The following P3H4 variants were observed in gnomAD, a reference collection of about 807,000 sequenced individuals.
P3H4 encodes prolyl 3-hydroxylase family member 4 (inactive), also known as endoplasmic reticulum protein SC65.
In P3H4, 47 loss-of-function variants were observed where a neutral mutation model predicts 52.9. The ratio of observed to expected loss-of-function variants is 0.89; its 90% CI spans 0.70 to 1.13. The LOEUF is 1.13. Among genes scored for constraint, P3H4 ranks in the 50% most tolerant of loss-of-function variants. P3H4 has a pLI of 0.00. For synonymous variants in P3H4, 256 were observed against 267.9 expected (o/e 0.96, Z 0.44); for missense variants, 585 against 611.0 (o/e 0.96, Z 0.45).
chr17:41,807,191 T>C (rs782181436), intron 5 of P3H4: 8 of 405,814 alleles, frequency 2.0e-5, no homozygotes, highest in South Asian at 8.3e-5. Context: ...CTCCATTGGT[T>C]ACCTAGGGTG....
At position 41,803,387 on chromosome 17, in the gene P3H4, G is replaced by A; in HGVS notation, c.1191C>T (p.Ala397=). 6.2e-7 allele frequency: 1 copy of A among 1,613,654 alleles called. No individual in the cohort carries two copies. The highest frequency in any genetic ancestry group is 8.5e-7 in the Non-Finnish European group (1 of 1,179,806). Residue 397 remains alanine (A), a synonymous_variant, in exon 7 of 8, where the codon GCC becomes GCT. Transcript: ENST00000393928. ...CCCCCTCAAACTCGGCGTCAGATAG[G>A]GCATCCTCAGGCTCCAGGGGCGGTT... ...ETEPPLEPED[A]LSDAEFEGEG... is the part of the protein sequence containing the mutation.
chr17:41,803,659 C>T (rs1422172787), intron 6 of P3H4, among the ~76,000 whole-genome samples: 1 of 152,120 alleles, frequency 6.6e-6, no homozygotes, highest in African/African-American at 2.4e-5. Context: ...TCAGCATAAA[C>T]ATCGCCCCTG....
intron 3 of P3H4, 54 bp from the exon 4 acceptor site, chr17:41,809,888 C>G (rs2047711471): frequency 2.5e-6 from 4 of 1,580,452 alleles, no homozygotes; most frequent in African/African-American, 1.3e-5. Context: ...CATCTCCGTC[C>G]CCCCAGTGGA....
At chr17:41,808,228 T>C (rs538947917) in intron 4 of P3H4, among the ~76,000 whole-genome samples, 95 of 152,256 alleles carry the variant, frequency 6.2e-4, no homozygotes, top group African/African-American at 2.2e-3. Context: ...CTTTTTATTG[T>C]TTTTGAAACA....
chr17:41,804,505 G>A (rs1446576329), intron 6 of P3H4, among the ~76,000 whole-genome samples: 1 of 152,076 alleles, frequency 6.6e-6, no homozygotes, highest in Admixed American at 6.5e-5. Context: ...GCACACGCCT[G>A]TAATCCCAGC....
At position 41,811,405 on chromosome 17, in the gene P3H4, C is replaced by T; in HGVS notation, c.462+49G>A. 6.2e-7 allele frequency: 1 copy of T among 1,607,926 alleles called. No homozygotes were observed. The highest frequency in any genetic ancestry group is 8.5e-7 in the Non-Finnish European group (1 of 1,176,704). Reference sequence around the variant, plus strand: ...GCTCCTTCGACCGATCTGTGGGGAGCCACGACGCCCAGCCCGAGACAGGTC... The same window carrying T: ...GCTCCTTCGACCGATCTGTGGGGAGTCACGACGCCCAGCCCGAGACAGGTC... On this transcript the variant is annotated intron_variant, in intron 1 of 7. Coordinates refer to ENST00000393928, the MANE Select transcript of P3H4 (RefSeq NM_006455.3). The surrounding 1 kb of genome is among the most constrained non-coding windows in gnomAD (Gnocchi z 4.8).
At chr17:41,803,549 C>T (rs977945002) in intron 6 of P3H4, 118 bp from the exon 7 acceptor site, 10 of 875,322 alleles carry the variant, frequency 1.1e-5, no homozygotes, top group Middle Eastern at 2.5e-4. Context: ...AAGCCCCTCC[C>T]CCTCCCCAGT....
chr17:41,806,699 C>T (rs2304494), intron 6 of P3H4, 97 bp downstream of exon 6: 83,729 of 995,842 alleles, frequency 0.084, 4,130 homozygotes, highest in Non-Finnish European at 0.09. Flanking sequence ...AGCTGACCAC[C>T]AGGGGCTGGG....
chr17:41,809,066 T>C lies in P3H4; in HGVS notation c.916+640A>G, dbSNP rs2047702090. Among the ~76,000 whole-genome samples, 3 of 152,266 alleles carry C rather than the reference T, an allele frequency of 2.0e-5. No individual in the cohort carries two copies. The South Asian group carries it at 6.2e-4, about 32-fold the overall frequency. ...TCAGTTTCCCCATCTGAAAAATCGG[T>C]CCAGTAATGCCAGCTGCATGGTGTT... On this transcript the variant is annotated intron_variant, in intron 4 of 7. Coordinates refer to ENST00000393928, the MANE Select transcript of P3H4 (RefSeq NM_006455.3).
chr17:41,808,240 G>C (rs572576965), intron 4 of P3H4, among the ~76,000 whole-genome samples: 14 of 152,160 alleles, frequency 9.2e-5, no homozygotes, highest in African/African-American at 3.4e-4. Context: ...TTTGAAACAG[G>C]GTCTCACTCT....
At position 41,806,843 on chromosome 17, in the gene P3H4, G is replaced by A. The variant is rs186874945; in HGVS notation, c.1099C>T (p.Arg367Trp). The A allele has an allele frequency of 5.6e-6, 9 of 1,613,886 alleles. No individual in the cohort carries two copies. Among genetic ancestry groups the A allele is most frequent in the Admixed American group, 5.0e-5 (3 of 60,008 alleles). Residue 367 changes from arginine to tryptophan, a missense_variant, in exon 6 of 8, where the codon CGG (arginine) becomes TGG (tryptophan). Physicochemically the swap from Arg to Trp is moderately radical, Grantham distance 101. Coordinates refer to ENST00000393928, the MANE Select transcript of P3H4 (RefSeq NM_006455.3). ...MLYHNQTAEL[R>W]ELLEFTHMYL... Reference sequence around the variant, plus strand: ...ATGTGGGTGAACTCCAGCAGCTCCCGCAGCTCGGCGGTCTGGTTGTGGTAG... The same window carrying A: ...ATGTGGGTGAACTCCAGCAGCTCCCACAGCTCGGCGGTCTGGTTGTGGTAG...
intron 4 of P3H4, among the ~76,000 whole-genome samples, chr17:41,808,678 T>A (rs4796707): frequency 6.6e-6 from 1 of 152,086 alleles, no homozygotes; most frequent in East Asian, 1.9e-4. Context: ...TGTGAACCAC[T>A]GTGCCCAGCC....
At position 41,807,920 on chromosome 17, in the gene P3H4, A is replaced by G. The variant is rs1341779099; in HGVS notation, c.1001T>C (p.Val334Ala). ...GCGAGCCCGGTGGAACCGGTAATAC[A>G]CCAGGTTCTGCTGCATGACGCTGTC... Reference protein sequence around the residue: ...PKDSVMQQNLVYYRFHRARWG... With the variant: ...PKDSVMQQNLAYYRFHRARWG... Residue 334 changes from valine to alanine, a missense_variant, in exon 5 of 8, where the codon GTG (valine) becomes GCG (alanine). Val to Ala is a moderately conservative substitution (Grantham distance 64). Coordinates refer to ENST00000393928, the MANE Select transcript of P3H4 (RefSeq NM_006455.3). The G allele has an allele frequency of 6.2e-7, 1 of 1,614,006 alleles. No individual in the cohort carries two copies. Among genetic ancestry groups the G allele is most frequent in the Non-Finnish European group, 8.5e-7 (1 of 1,180,006 alleles).
chr17:41,811,327 G>C lies in P3H4; in HGVS notation c.463-43C>G. On this transcript the variant is annotated intron_variant, in intron 1 of 7. Transcript: ENST00000393928. The surrounding 1 kb of genome is among the most constrained non-coding windows in gnomAD (Gnocchi z 4.8). ...GGTGGGGGAGCGGGTCAGCAAGACC[G>C]GAGCTCGCGGCCCCGAGCGCACGGC... is the stretch of plus-strand genomic sequence containing the variant. 6.2e-7 allele frequency: 1 copy of C among 1,609,534 alleles called. No homozygotes were observed. Among genetic ancestry groups the C allele is most frequent in the Non-Finnish European group, 8.5e-7 (1 of 1,178,444 alleles).
rs35539556 is a variant in P3H4, at chr17:41,802,277, G to GT, written c.*679dup. 0.84 allele frequency: 113,545 copies of GT among 134,820 alleles called. 48,312 individuals are homozygous for GT. Among genetic ancestry groups the GT allele is most frequent in the East Asian group, 0.97 (4,436 of 4,582 alleles). The allele number at this position is 134,820 out of a possible 1,614,324, so 8.4% of individuals were successfully genotyped here. A position where few individuals can be genotyped will look rare whatever the true frequency, so the allele number is the denominator to read the frequency against. ...GTCCAGTCAGCTGTGTCCATCTTAA[G>GT]TTTTTTTTTTTTTTTTTGAGATGGA... On this transcript the variant is annotated 3_prime_UTR_variant, in exon 8 of 8. Coordinates refer to ENST00000393928, the MANE Select transcript of P3H4 (RefSeq NM_006455.3).
At chr17:41,805,306 A>AAACAAACAAACAAACAAACAAAC (rs1555614054) in intron 6 of P3H4, among the ~76,000 whole-genome samples, 1 of 124,266 alleles carries the variant, frequency 8.0e-6, no homozygotes, top group Admixed American at 8.2e-5. Flanking sequence ...AACAAACAAA[A>AAACAAACAAACAAACAAACAAAC]AAACATACTT....
chr17:41,806,227 AAAAT>A (rs535647021), intron 6 of P3H4, among the ~76,000 whole-genome samples: 3 of 151,926 alleles, frequency 2.0e-5, no homozygotes, highest in East Asian at 1.9e-4. Context: ...TCAAAAAAAA[AAAAT>A]AAATAAATAA....
rs1272462586 is a variant in P3H4 at position 41,810,681 on chromosome 17, G to A, written c.787+182C>T. 12 of 667,520 alleles carry A rather than the reference G, an allele frequency of 1.8e-5. No individual in the cohort carries two copies. The East Asian group carries it at 3.1e-4, about 17-fold the overall frequency. 41.3% of individuals were successfully genotyped at this position (667,520 alleles called of 1,614,324 possible). A position where few individuals can be genotyped will look rare whatever the true frequency, so the allele number is the denominator to read the frequency against. On this transcript the variant is annotated intron_variant, in intron 3 of 7. Transcript: ENST00000393928. ...AGGGATGTCACTGCCTCTACTCACTGATCCAGCCCCTTGGACACTCCCAGC... is the reference window on the plus strand; with the variant it reads ...AGGGATGTCACTGCCTCTACTCACTAATCCAGCCCCTTGGACACTCCCAGC...
In P3H4 at chr17:41,811,729, G is replaced by C; in HGVS notation, c.187C>G (p.Leu63Val). 1 of 1,510,596 alleles carries C rather than the reference G, an allele frequency of 6.6e-7. No homozygotes were observed. Among genetic ancestry groups the C allele is most frequent in the South Asian group, 1.2e-5 (1 of 80,434 alleles). The allele number at this position is 1,510,596 out of a possible 1,614,324, so 93.6% of individuals were successfully genotyped here. Reference protein sequence around the residue: ...RESARYLEAALRLHRLLRDSE... With the variant: ...RESARYLEAAVRLHRLLRDSE... ...TCGCGCAGGAGCCGGTGCAGCCGCA[G>C]CGCCGCCTCCAGGTAGCGCGCGCTC... is the stretch of plus-strand genomic sequence containing the variant. Residue 63 changes from leucine (L) to valine (V), a missense_variant, in exon 1 of 8, where the codon CTG (leucine) becomes GTG (valine). Coordinates refer to ENST00000393928, the MANE Select transcript of P3H4 (RefSeq NM_006455.3). The surrounding 1 kb of genome is among the most constrained non-coding windows in gnomAD (Gnocchi z 4.8).
Sources: allele counts gnomAD v4.1 joint callset (sites outside exome capture counted in the v4.1 genomes callset), GRCh38; gene constraint gnomAD v4.1.1; non-coding constraint Gnocchi (gnomAD v3.1); transcripts MANE v1.5; gene names NCBI Gene and HGNC (gene_info 2026-07-23, HGNC 2026-07-21).